The following SH3D21 variants were observed in gnomAD, a reference collection of about 807,000 sequenced individuals.
The protein encoded by SH3D21 is SH3 domain-containing protein 21.
SH3D21 carries 83 observed loss-of-function variants against 82.1 expected under a neutral mutation model. The observed-to-expected ratio is 1.01, with a 90% confidence interval of 0.85 to 1.21. The LOEUF (loss-of-function observed/expected upper bound fraction) is 1.21. Ranked by LOEUF, SH3D21 falls within the 50% of genes most tolerant of loss-of-function variation. SH3D21 has a pLI of 0.00. For missense variants in SH3D21, 980 were observed against 962.1 expected, an observed-to-expected ratio of 1.02 and a Z score of -0.25; for synonymous variants, 383 against 387.8, an observed-to-expected ratio of 0.99 and a Z score of 0.15.
intron 10 of SH3D21, among the ~76,000 whole-genome samples, chr1:36,311,491 T>C (rs1317328858): frequency 1.3e-5 from 2 of 152,168 alleles, no homozygotes; most frequent in Non-Finnish European, 2.9e-5. Flanking sequence ...CCGCCCGCCT[T>C]GGCCTCCCAA....
chr1:36,322,015 GA>G (rs1264066281), downstream of SH3D21: 4 of 1,263,914 alleles, frequency 3.2e-6, no homozygotes, highest in Non-Finnish European at 3.0e-6. Flanking sequence ...AGGAGTAACA[GA>G]GGGAGAGACT....
intron 8 of SH3D21, 53 bp from the exon 9 acceptor site, chr1:36,308,336 A>G: frequency 6.5e-7 from 1 of 1,527,130 alleles, no homozygotes. Flanking sequence ...GGGACCCCGG[A>G]AAGGACCTTG....
Position 36,307,992 on chromosome 1 carries a change from TC to T in SH3D21, c.538+32del, listed in dbSNP as rs1303310588. 14 of 1,551,282 alleles carry T rather than the reference TC, an allele frequency of 9.0e-6. No individual in the cohort carries two copies. Among genetic ancestry groups the T allele is most frequent in the Admixed American group, 7.8e-5 (4 of 50,964 alleles). ...AGCACCCATCCAAAGGGTCCCCCAC[TC>T]CCTCAGCCACTCCCAAGGTTGTGAC... On this transcript the variant is annotated intron_variant, in intron 7 of 15. Coordinates refer to ENST00000453908, the MANE Select transcript of SH3D21 (RefSeq NM_001162530.2). The surrounding 1 kb of genome is among the most constrained non-coding windows in gnomAD (Gnocchi z 5.4).
intron 10 of SH3D21, among the ~76,000 whole-genome samples, chr1:36,312,369 A>G (rs543715000): frequency 7.9e-5 from 12 of 152,212 alleles, no homozygotes; most frequent in Non-Finnish European, 1.8e-4. Flanking sequence ...ATTCTTAGGT[A>G]TCTCAGAGTT....
downstream of SH3D21, among the ~76,000 whole-genome samples, chr1:36,325,375 G>A (rs565244435): frequency 1.1e-3 from 174 of 152,270 alleles, 1 homozygote; most frequent in Middle Eastern, 3.4e-3. Flanking sequence ...GATATTATAA[G>A]TAATCAAGAG....
At chr1:36,329,959 C>A (rs951549104), downstream of SH3D21, among the ~76,000 whole-genome samples, 10 of 152,178 alleles carry the variant, frequency 6.6e-5, no homozygotes, top group Non-Finnish European at 1.5e-4. Flanking sequence ...AAAGGCAACC[C>A]CCACTGCCGC....
chr1:36,319,261 A>G lies in SH3D21; in HGVS notation c.865A>G (p.Thr289Ala). 1 of 1,551,654 alleles carries G rather than the reference A, an allele frequency of 6.4e-7. No homozygotes were observed. Among genetic ancestry groups the G allele is most frequent in the Non-Finnish European group, 8.7e-7 (1 of 1,146,990 alleles). The stretch of plus-strand genomic sequence containing the variant: ...GGGCCTGATGAAGATATGTTCCAGG[A>G]CATCTCGGACACCCAGCAGGGACAG... ...TATTGPSKAKTSRTPSRDSQK... is the reference protein window; with the variant it reads ...TATTGPSKAKASRTPSRDSQK... The change falls in exon 12 of 16, where the codon ACA becomes GCA. Residue 289 changes from threonine (T) to alanine (A), a missense_variant and splice_region_variant. Transcript: ENST00000453908.
Position 36,319,432 on chromosome 1 carries a change from G to A in SH3D21, c.917-10G>A. ...AGTAGGCTTGGGTCCCTGAGGTTCT[G>A]CTCTCTTAGGCCCCAATGGTGGCTT... is the stretch of plus-strand genomic sequence containing the variant. On this transcript the variant is annotated splice_polypyrimidine_tract_variant and intron_variant, in intron 12 of 15. Transcript: ENST00000453908. 1 of 1,551,614 alleles carries A rather than the reference G, an allele frequency of 6.4e-7. No homozygotes were observed.
downstream of SH3D21, chr1:36,328,104 T>C (rs1032648785): frequency 8.7e-6 from 4 of 457,576 alleles, no homozygotes; most frequent in Non-Finnish European, 1.8e-5. Flanking sequence ...CCTATCTGCC[T>C]GTGAGACTAG....
chr1:36,307,327 G>T lies in SH3D21; in HGVS notation c.345+42G>T. 1 of 1,547,816 alleles carries T rather than the reference G, an allele frequency of 6.5e-7. No homozygotes were observed. Among genetic ancestry groups the T allele is most frequent in the South Asian group, 1.2e-5 (1 of 83,876 alleles). On this transcript the variant is annotated intron_variant, in intron 4 of 15. Coordinates refer to ENST00000453908, the MANE Select transcript of SH3D21 (RefSeq NM_001162530.2). The surrounding 1 kb of genome is among the most constrained non-coding windows in gnomAD (Gnocchi z 5.4). ...TGGGACCGTTTGGGGGAGGATGATG[G>T]AACGCGCCTCCCTAGTGAGCGGGGT...
In SH3D21 at chr1:36,308,408, G is replaced by C; in HGVS notation, c.659G>C (p.Trp220Ser). The change falls in exon 9 of 16, where the codon TGG becomes TCG. Residue 220 changes from tryptophan to serine, a missense_variant. Transcript: ENST00000453908. ...TTCCAGACCACAGAGGATAAGGGCT[G>C]GTGGGAAGGAGAGTGTCAAGGACGA... is the stretch of plus-strand genomic sequence containing the variant. ...VLSKTTEDKG[W>S]WEGECQGRRG... 1 of 1,551,930 alleles carries C rather than the reference G, an allele frequency of 6.4e-7. No individual in the cohort carries two copies. Among genetic ancestry groups the C allele is most frequent in the Non-Finnish European group, 8.7e-7 (1 of 1,147,046 alleles).
downstream of SH3D21, among the ~76,000 whole-genome samples, chr1:36,326,439 C>T (rs374915849): frequency 6.6e-6 from 1 of 152,148 alleles, no homozygotes; most frequent in Non-Finnish European, 1.5e-5. Context: ...CCATGTTGGT[C>T]AGGCTGGTCT....
rs376749189 is a variant in SH3D21 at position 36,321,098 on chromosome 1, G to A, written c.2242G>A (p.Val748Ile). Residue 748 changes from valine to isoleucine, a missense_variant, in exon 16 of 16, where the codon GTC (valine) becomes ATC (isoleucine). Val to Ile is a conservative substitution (Grantham distance 29, BLOSUM62 3). Coordinates refer to ENST00000453908, the MANE Select transcript of SH3D21 (RefSeq NM_001162530.2). The surrounding 1 kb of genome is among the most constrained non-coding windows in gnomAD (Gnocchi z 6.1). ...QGTQKSQTPR[V>I]IHTQTQTY ...GACCCAGAAGTCCCAGACCCCGCGCGTCATCCACACGCAGACGCAGACCTA... is the reference window on the plus strand; with the variant it reads ...GACCCAGAAGTCCCAGACCCCGCGCATCATCCACACGCAGACGCAGACCTA... 6.2e-6 allele frequency: 10 copies of A among 1,612,000 alleles called. No individual in the cohort carries two copies. The highest frequency in any genetic ancestry group is 5.3e-5 in the African/African-American group (4 of 74,906).
At position 36,306,897 on chromosome 1, in the gene SH3D21, G is replaced by A; in HGVS notation, c.218G>A (p.Arg73His). The A allele has an allele frequency of 7.6e-7, 1 of 1,314,170 alleles. No homozygotes were observed. The highest frequency in any genetic ancestry group is 9.9e-7 in the Non-Finnish European group (1 of 1,005,880). 81.4% of individuals were successfully genotyped at this position (1,314,170 alleles called of 1,614,324 possible). A position where few individuals can be genotyped will look rare whatever the true frequency, so the allele number is the denominator to read the frequency against. Residue 73 changes from arginine (R) to histidine (H), a missense_variant, in exon 3 of 16, where the codon CGC (arginine) becomes CAC (histidine). Arg to His is a conservative substitution (Grantham distance 29). Transcript: ENST00000453908. The surrounding 1 kb of genome is among the most constrained non-coding windows in gnomAD (Gnocchi z 4.5). ...GAGGCGCGGAGGCCGCGCTGTGCGC[G>A]CCGCCGAGGTGAGCGCAAGGGCGGG... Reference protein sequence around the residue: ...SGEARRPRCARRRGHPAKHPR... With the variant: ...SGEARRPRCAHRRGHPAKHPR...
rs1208225193 is a variant in SH3D21, at chr1:36,308,432, G to A, written c.683G>A (p.Arg228Gln). The A allele has an allele frequency of 2.6e-6, 4 of 1,551,750 alleles. No homozygotes were observed. The highest frequency in any genetic ancestry group is 2.4e-5 in the East Asian group (1 of 40,934). The change falls in exon 9 of 16, where the codon CGA becomes CAA. Residue 228 changes from arginine (R) to glutamine (Q), a missense_variant. Physicochemically the swap from Arg to Gln is conservative, Grantham distance 43. Transcript: ENST00000453908. ...TGGTGGGAAGGAGAGTGTCAAGGACGAAGAGGAGTTTTTCCAGACAACTTT... is the reference window on the plus strand; with the variant it reads ...TGGTGGGAAGGAGAGTGTCAAGGACAAAGAGGAGTTTTTCCAGACAACTTT... ...KGWWEGECQG[R>Q]RGVFPDNFVL...
At chr1:36,323,280 G>A (rs915987027), downstream of SH3D21, among the ~76,000 whole-genome samples, 1 of 152,074 alleles carries the variant, frequency 6.6e-6, no homozygotes, top group Non-Finnish European at 1.5e-5. Flanking sequence ...GGGGACCGCG[G>A]GAGGCCCCGC....
Position 36,320,807 on chromosome 1 carries a change from G to A in SH3D21, c.2135+9G>A. The A allele has an allele frequency of 1.9e-6, 3 of 1,558,246 alleles. No homozygotes were observed. The highest frequency in any genetic ancestry group is 2.6e-6 in the Non-Finnish European group (3 of 1,150,706). ...ATGGAGGTGCAGCTGGAGTGAGTGG[G>A]CAGTGGCGGGGGTTGTGGAAGGTAG... On this transcript the variant is annotated intron_variant, in intron 14 of 15. Transcript: ENST00000453908.
At position 36,319,447 on chromosome 1, in the gene SH3D21, A is replaced by G; in HGVS notation, c.922A>G (p.Asn308Asp). 6.4e-7 allele frequency: 1 copy of G among 1,551,626 alleles called. No homozygotes were observed. Among genetic ancestry groups the G allele is most frequent in the Non-Finnish European group, 8.7e-7 (1 of 1,146,966 alleles). ...CTGAGGTTCTGCTCTCTTAGGCCCCAATGGTGGCTTCCAAAGTGGGGGTTC... is the reference window on the plus strand; with the variant it reads ...CTGAGGTTCTGCTCTCTTAGGCCCCGATGGTGGCTTCCAAAGTGGGGGTTC... ...QKLTSRDSGPNGGFQSGGSYH... is the reference protein window; with the variant it reads ...QKLTSRDSGPDGGFQSGGSYH... Residue 308 changes from asparagine (N) to aspartate (D), a missense_variant, in exon 13 of 16, where the codon AAT (asparagine) becomes GAT (aspartate). Asn to Asp is a conservative substitution (Grantham distance 23). Coordinates refer to ENST00000453908, the MANE Select transcript of SH3D21 (RefSeq NM_001162530.2).
At position 36,307,505 on chromosome 1, in the gene SH3D21, C is replaced by G; in HGVS notation, c.346-12C>G. ...CAGAACCAGACGCCTCTGCGTCCTC[C>G]CCTCTCCCCAGATTGAGGACGGCTG... On this transcript the variant is annotated splice_polypyrimidine_tract_variant and intron_variant, in intron 4 of 15. Transcript: ENST00000453908. The surrounding 1 kb of genome is among the most constrained non-coding windows in gnomAD (Gnocchi z 5.4). 5 of 1,551,198 alleles carry G rather than the reference C, an allele frequency of 3.2e-6. No individual in the cohort carries two copies. The highest frequency in any genetic ancestry group is 4.4e-6 in the Non-Finnish European group (5 of 1,146,646).
Sources: gnomAD v4.1 joint callset for allele counts (sites outside exome capture counted in the v4.1 genomes callset) on GRCh38, gnomAD v4.1.1 for gene constraint, Gnocchi (gnomAD v3.1) non-coding constraint, MANE v1.5 for transcripts, NCBI Gene and HGNC (gene_info 2026-07-23, HGNC 2026-07-21) for gene names.